The following GSDME variants were observed in gnomAD, a reference collection of about 807,000 sequenced individuals.
GSDME encodes the protein gasdermin E.
In GSDME, 44 loss-of-function variants were observed where a neutral mutation model predicts 47.5. That is an observed-to-expected ratio of 0.93 (90% CI 0.73 to 1.19). GSDME has a LOEUF of 1.19. GSDME is among the 50% of genes most tolerant of loss of function. The probability of loss-of-function intolerance (pLI) is 0.00; values close to 1 mark genes in which losing one functional copy is unlikely to be tolerated. For missense variants in GSDME, 663 were observed against 604.2 expected (o/e 1.10, Z -1.02); for synonymous variants, 258 against 252.8 (o/e 1.02, Z -0.20).
chr7:24,770,462 C>T, the GSDME span, among the ~76,000 whole-genome samples: 4 of 152,112 alleles, frequency 2.6e-5, no homozygotes, highest in African/African-American at 4.8e-5. The surrounding 1 kb of genome is among the most constrained non-coding windows in gnomAD (Gnocchi z 4.6). Flanking sequence ...TCGTGAGAAT[C>T]GCCACATTTG....
intron 7 of GSDME, among the ~76,000 whole-genome samples, chr7:24,706,927 G>T (rs192275937): frequency 6.6e-6 from 1 of 152,180 alleles, no homozygotes; most frequent in Non-Finnish European, 1.5e-5. Flanking sequence ...GCCACCAGCC[G>T]GGCAGCTTGC....
Position 24,749,497 on chromosome 7 carries a change from C to CAA in GSDME, c.211+65_211+66dup, listed in dbSNP as rs66692319. 76,399 of 1,079,130 alleles carry CAA rather than the reference C, an allele frequency of 0.071. 1,158 individuals are homozygous for CAA. Among genetic ancestry groups the CAA allele is most frequent in the Admixed American group, 0.12 (5,300 of 45,978 alleles). The allele number at this position is 1,079,130 out of a possible 1,614,324, so 66.8% of individuals were successfully genotyped here. A position where few individuals can be genotyped will look rare whatever the true frequency, so the allele number is the denominator to read the frequency against. ...AGCATGGGCGACAGAGACTCTGTGT[C>CAA]AAAAAAAAAAAAAAAAAGGATCATC... On this transcript the variant is annotated intron_variant, in intron 2 of 9. Coordinates refer to ENST00000645220, the MANE Select transcript of GSDME (RefSeq NM_001127453.2).
At chr7:24,743,697 C>G (rs1236279066) in intron 3 of GSDME, among the ~76,000 whole-genome samples, 1 of 152,180 alleles carries the variant, frequency 6.6e-6, no homozygotes, top group Non-Finnish European at 1.5e-5. Context: ...ACAGGCCACT[C>G]TGGCCACTGC....
Position 24,706,117 on chromosome 7 carries a change from G to A in GSDME, c.1183+67C>T, listed in dbSNP as rs891110905. On this transcript the variant is annotated intron_variant, in intron 8 of 9. Transcript: ENST00000645220. ...AGTTACCACCTCTGTGTCCCCAGAA[G>A]CATAGATAGTAGGCAAAGCATTTTA... is the stretch of plus-strand genomic sequence containing the variant. 8 of 1,572,562 alleles carry A rather than the reference G, an allele frequency of 5.1e-6. No individual in the cohort carries two copies. The South Asian group carries it at 6.7e-5, about 13-fold the overall frequency.
chr7:24,789,827 C>T, the GSDME span, among the ~76,000 whole-genome samples: 2 of 152,082 alleles, frequency 1.3e-5, no homozygotes, highest in Non-Finnish European at 2.9e-5. Context: ...TAGGACAGAT[C>T]GATAGTGATT....
At chr7:24,711,528 A>G (rs777764982) in intron 5 of GSDME, among the ~76,000 whole-genome samples, 7 of 152,080 alleles carry the variant, frequency 4.6e-5, no homozygotes, top group Non-Finnish European at 1.0e-4. Flanking sequence ...AGTTTTTTAA[A>G]TAATAAAAAG....
chr7:24,775,353 G>A, the GSDME span, among the ~76,000 whole-genome samples: 2 of 152,280 alleles, frequency 1.3e-5, no homozygotes, highest in Admixed American at 6.5e-5. Context: ...ACTAATTTCT[G>A]TACTATAAAA....
rs78990306 is a variant in GSDME, at chr7:24,750,570, G to A, written c.-19-777C>T. On this transcript the variant is annotated intron_variant, in intron 1 of 9. Transcript: ENST00000645220. Reference sequence around the variant, plus strand: ...CAAAACTGCAGTGAGCCATGATCACGTCACCATACTCCAGTCTGGGTGACA... The same window carrying A: ...CAAAACTGCAGTGAGCCATGATCACATCACCATACTCCAGTCTGGGTGACA... Among the ~76,000 whole-genome samples the A allele has an allele frequency of 6.8e-3, 1,041 of 152,288 alleles. 11 individuals carry two copies. The highest frequency in any genetic ancestry group is 0.024 in the African/African-American group (992 of 41,544).
At chr7:24,757,567 A>G (rs1791083223), upstream of GSDME, 1 of 151,250 alleles carries the variant, frequency 6.6e-6, no homozygotes, top group Admixed American at 6.6e-5. The surrounding 1 kb of genome is among the most constrained non-coding windows in gnomAD (Gnocchi z 5.9). Context: ...TGGCCGCCGG[A>G]GGCTGCGGGA....
intron 3 of GSDME, among the ~76,000 whole-genome samples, chr7:24,738,285 T>C (rs1409661264): frequency 6.6e-6 from 1 of 152,104 alleles, no homozygotes; most frequent in Non-Finnish European, 1.5e-5. Flanking sequence ...AGTTGTAGGA[T>C]ATAAAATCAA....
chr7:24,774,112 C>T, the GSDME span, among the ~76,000 whole-genome samples: 1 of 152,228 alleles, frequency 6.6e-6, no homozygotes, highest in Admixed American at 6.5e-5. Context: ...CCTGCTCATC[C>T]TCCAACTCCT....
chr7:24,708,588 GAAGTA>G (rs1789220209), intron 6 of GSDME, among the ~76,000 whole-genome samples: 1 of 151,682 alleles, frequency 6.6e-6, no homozygotes, highest in Non-Finnish European at 1.5e-5. Flanking sequence ...GACTTCTCTA[GAAGTA>G]AATTATCAAA....
chr7:24,745,714 G>A lies in GSDME; in HGVS notation c.212-960C>T, dbSNP rs1411707940. Among the ~76,000 whole-genome samples, 2 of 151,946 alleles carry A rather than the reference G, an allele frequency of 1.3e-5. No individual in the cohort carries two copies. Among genetic ancestry groups the A allele is most frequent in the African/African-American group, 4.8e-5 (2 of 41,336 alleles). Reference sequence around the variant, plus strand: ...AGGTCAGAAGTTCAAGACCAACCTGGGCAACACCAGCTACCCTAGAGGCTG... The same window carrying A: ...AGGTCAGAAGTTCAAGACCAACCTGAGCAACACCAGCTACCCTAGAGGCTG... On this transcript the variant is annotated intron_variant, in intron 2 of 9. Coordinates refer to ENST00000645220, the MANE Select transcript of GSDME (RefSeq NM_001127453.2). This position sits in a 1 kb window ranked among gnomAD's most constrained non-coding sequence, Gnocchi z 4.4.
chr7:24,772,428 T>G, the GSDME span, among the ~76,000 whole-genome samples: 1 of 152,258 alleles, frequency 6.6e-6, no homozygotes, highest in African/African-American at 2.4e-5. The surrounding 1 kb of genome is among the most constrained non-coding windows in gnomAD (Gnocchi z 4.5). Flanking sequence ...TTACTGTCTG[T>G]TTTATGTAGG....
rs1314488674 is a variant in GSDME at position 24,725,180 on chromosome 7, TA to T, written c.405-5963del. 6.6e-6 allele frequency among the ~76,000 whole-genome samples: 1 copy of T among 152,234 alleles called. No homozygotes were observed. Among genetic ancestry groups the T allele is most frequent in the Non-Finnish European group, 1.5e-5 (1 of 68,040 alleles). ...TAACTCAATCTCCTCCTAGCTGAGCTACTGCTCCAGTCCTGAAGCTTAGTTT... is the reference window on the plus strand; with the variant it reads ...TAACTCAATCTCCTCCTAGCTGAGCTCTGCTCCAGTCCTGAAGCTTAGTTT... On this transcript the variant is annotated intron_variant, in intron 3 of 9. Coordinates refer to ENST00000645220, the MANE Select transcript of GSDME (RefSeq NM_001127453.2). The surrounding 1 kb of genome is among the most constrained non-coding windows in gnomAD (Gnocchi z 5.1).
the GSDME span, among the ~76,000 whole-genome samples, chr7:24,767,180 C>A: frequency 6.6e-6 from 1 of 152,028 alleles, no homozygotes; most frequent in Non-Finnish European, 1.5e-5. This position sits in a 1 kb window ranked among gnomAD's most constrained non-coding sequence, Gnocchi z 5.3. Flanking sequence ...AAAAATTAGC[C>A]AGGCGTGGTG....
the GSDME span, among the ~76,000 whole-genome samples, chr7:24,772,527 C>T: frequency 6.6e-6 from 1 of 152,206 alleles, no homozygotes; most frequent in African/African-American, 2.4e-5. This position sits in a 1 kb window ranked among gnomAD's most constrained non-coding sequence, Gnocchi z 4.5. Flanking sequence ...CGGCACTCCA[C>T]AGATATCTGT....
At position 24,706,415 on chromosome 7, in the gene GSDME, G is replaced by A. The variant is rs755660786; in HGVS notation, c.991-39C>T. 3.8e-6 allele frequency: 6 copies of A among 1,592,854 alleles called. No homozygotes were observed. In the Admixed American group the frequency reaches 6.9e-5, roughly 18 times the overall value. On this transcript the variant is annotated intron_variant, in intron 7 of 9. Coordinates refer to ENST00000645220, the MANE Select transcript of GSDME (RefSeq NM_001127453.2). ...AAGAAGAAGGGTCATGACACAGCTG[G>A]AGACCAAGCGCCACAGCTGGGGCCT... is the stretch of plus-strand genomic sequence containing the variant.
intron 7 of GSDME, chr7:24,707,289 A>G (rs1789150769): frequency 2.1e-6 from 1 of 469,578 alleles, no homozygotes; most frequent in Non-Finnish European, 4.4e-6. Context: ...TGTAGTCAAA[A>G]TCAGGTTTAT....
Sources: gnomAD v4.1 joint callset for allele counts (sites outside exome capture counted in the v4.1 genomes callset) on GRCh38, gnomAD v4.1.1 for gene constraint, Gnocchi (gnomAD v3.1) non-coding constraint, MANE v1.5 for transcripts, NCBI Gene and HGNC (gene_info 2026-07-23, HGNC 2026-07-21) for gene names.